The following EXOSC7 variants were observed in gnomAD, a reference collection of about 807,000 sequenced individuals.
EXOSC7 encodes exosome complex component RRP42.
In EXOSC7, 25 loss-of-function variants were observed where a neutral mutation model predicts 34.3. The observed-to-expected ratio is 0.73, with a 90% CI of 0.53 to 1.02. EXOSC7 has a LOEUF of 1.02. Ranked by LOEUF, EXOSC7 falls within the 50% of genes least tolerant of loss-of-function variation. The pLI, the probability that EXOSC7 is intolerant of heterozygous loss-of-function variation, is 0.00. For synonymous variants in EXOSC7, 130 were observed against 143.0 expected (o/e 0.91, Z 0.65); for missense variants, 370 against 368.5 (o/e 1.00, Z -0.03).
chr3:44,995,863 A>G (rs376037579), intron 3 of EXOSC7, among the ~76,000 whole-genome samples: 39 of 152,212 alleles, frequency 2.6e-4, no homozygotes, highest in African/African-American at 8.9e-4. Context: ...GTGTTACACA[A>G]ATAGGGTGGG....
intron 1 of EXOSC7, among the ~76,000 whole-genome samples, chr3:44,978,578 A>C (rs1706186985): frequency 6.6e-6 from 1 of 152,232 alleles, no homozygotes; most frequent in Non-Finnish European, 1.5e-5. Context: ...TGAAGGAAAA[A>C]ACGGACACGA....
At chr3:44,989,791 C>G (rs916020892) in intron 3 of EXOSC7, 147 bp downstream of exon 3, 61 of 637,054 alleles carry the variant, frequency 9.6e-5, no homozygotes, top group Admixed American at 3.4e-4. Flanking sequence ...CTCCTATGTG[C>G]CAGGTACATA....
At chr3:45,011,699 CAAAG>C (rs1034951078), downstream of EXOSC7, among the ~76,000 whole-genome samples, 8 of 152,284 alleles carry the variant, frequency 5.3e-5, no homozygotes, top group East Asian at 5.8e-4. Context: ...ATAAGAATCA[CAAAG>C]AAAAGTTCAT....
At chr3:44,979,109 T>G (rs1706202879) in intron 1 of EXOSC7, among the ~76,000 whole-genome samples, 1 of 152,242 alleles carries the variant, frequency 6.6e-6, no homozygotes, top group Non-Finnish European at 1.5e-5. Flanking sequence ...TCATAAGGGC[T>G]TATTAATGTT....
At chr3:44,991,391 G>A (rs1706568808) in intron 3 of EXOSC7, among the ~76,000 whole-genome samples, 1 of 152,200 alleles carries the variant, frequency 6.6e-6, no homozygotes. Context: ...CTTGGAGGAA[G>A]CAGAATGCCT....
intron 6 of EXOSC7, among the ~76,000 whole-genome samples, chr3:45,007,103 G>A (rs774077808): frequency 6.6e-6 from 1 of 152,138 alleles, no homozygotes; most frequent in Admixed American, 6.5e-5. Flanking sequence ...GTGGCCTTGT[G>A]TGTGAATTTC....
chr3:44,983,133 C>T (rs1016189822), intron 1 of EXOSC7, among the ~76,000 whole-genome samples: 4 of 152,180 alleles, frequency 2.6e-5, no homozygotes, highest in Non-Finnish European at 5.9e-5. Context: ...TTGTCAGTTT[C>T]TATTAAGAAG....
chr3:45,005,949 C>T lies in EXOSC7; in HGVS notation c.615+535C>T, dbSNP rs186122987. ...GACTGGGATTGTAGCTAATTCCACT[C>T]AGGATTCATTATCTCAAAATAAAGC... On this transcript the variant is annotated intron_variant, in intron 6 of 7. Transcript: ENST00000265564. Among the ~76,000 whole-genome samples, 237 of 152,014 alleles carry T rather than the reference C, an allele frequency of 1.6e-3. 3 individuals carry two copies. The Middle Eastern group carries it at 0.024, about 15-fold the overall frequency.
At chr3:44,999,651 T>G (rs1706820964) in intron 4 of EXOSC7, among the ~76,000 whole-genome samples, 1 of 152,032 alleles carries the variant, frequency 6.6e-6, no homozygotes. Context: ...ATGGTGCCAC[T>G]GCACTCCATC....
At position 44,989,135 on chromosome 3, in the gene EXOSC7, C is replaced by T; in HGVS notation, c.58-5C>T. 1 of 1,610,828 alleles carries T rather than the reference C, an allele frequency of 6.2e-7. No individual in the cohort carries two copies. Among genetic ancestry groups the T allele is most frequent in the Non-Finnish European group, 8.5e-7 (1 of 1,177,150 alleles). ...GACTATAGGACTGTGGTTGTTAACA[C>T]CTAGGAAGACCTCCGTGTGGATGGC... On this transcript the variant is annotated splice_region_variant and splice_polypyrimidine_tract_variant and intron_variant, in intron 1 of 7. Transcript: ENST00000265564.
At chr3:44,999,191 G>A (rs1242998502) in intron 4 of EXOSC7, among the ~76,000 whole-genome samples, 3 of 152,164 alleles carry the variant, frequency 2.0e-5, no homozygotes, top group South Asian at 2.1e-4. Flanking sequence ...GATGACTACT[G>A]GGACATTATC....
intron 4 of EXOSC7, among the ~76,000 whole-genome samples, chr3:45,000,091 A>C (rs1706833886): frequency 1.3e-5 from 2 of 152,168 alleles, no homozygotes. Flanking sequence ...TGAGAGTGAA[A>C]ATTTAACTTC....
At chr3:44,996,837 C>T (rs1186352482) in intron 3 of EXOSC7, among the ~76,000 whole-genome samples, 1 of 152,202 alleles carries the variant, frequency 6.6e-6, no homozygotes, top group Non-Finnish European at 1.5e-5. Flanking sequence ...CTAAAGATGG[C>T]TTCTGTTAGA....
rs6780749 is a variant in EXOSC7, at chr3:44,976,704, T to A, written c.57+370T>A. ...AGGAAATGGGAGTTTGGAGGTGGGC[T>A]TCTGGCCTGCTTTTCCTCACCTCGT... is the stretch of plus-strand genomic sequence containing the variant. On this transcript the variant is annotated intron_variant, in intron 1 of 7. Coordinates refer to ENST00000265564, the MANE Select transcript of EXOSC7 (RefSeq NM_015004.4). 2.0e-5 allele frequency among the ~76,000 whole-genome samples: 3 copies of A among 152,294 alleles called. No individual in the cohort carries two copies. The East Asian group carries it at 5.8e-4, about 29-fold the overall frequency.
At chr3:44,999,600 A>G (rs1706819799) in intron 4 of EXOSC7, among the ~76,000 whole-genome samples, 1 of 152,074 alleles carries the variant, frequency 6.6e-6, no homozygotes, top group South Asian at 2.1e-4. Context: ...GAGGCAAGAG[A>G]ATTGCTTGAA....
intron 1 of EXOSC7, among the ~76,000 whole-genome samples, chr3:44,986,228 C>T (rs922597276): frequency 3.4e-3 from 83 of 24,676 alleles, no homozygotes; most frequent in South Asian, 0.023. Context: ...GGTGGGAGGG[C>T]GGGGAGGCTC....
intron 4 of EXOSC7, among the ~76,000 whole-genome samples, chr3:45,000,437 T>C (rs965239825): frequency 3.3e-5 from 5 of 152,236 alleles, no homozygotes; most frequent in African/African-American, 1.2e-4. Flanking sequence ...CTTCTCACCT[T>C]TCTTATTTGG....
intron 5 of EXOSC7, among the ~76,000 whole-genome samples, chr3:45,002,842 T>C (rs1706918246): frequency 6.6e-6 from 1 of 152,174 alleles, no homozygotes; most frequent in Admixed American, 6.5e-5. Flanking sequence ...ATTTGAAATG[T>C]GAGCCTGGCA....
chr3:45,005,074 T>A, intron 5 of EXOSC7: 1 of 519,996 alleles, frequency 1.9e-6, no homozygotes, highest in East Asian at 3.0e-5. Flanking sequence ...GATATCTGAT[T>A]GACCCAGCAT....
Sources: allele counts gnomAD v4.1 joint callset (sites outside exome capture counted in the v4.1 genomes callset), GRCh38; gene constraint gnomAD v4.1.1; transcripts MANE v1.5; gene names NCBI Gene and HGNC (gene_info 2026-07-23, HGNC 2026-07-21).